MSRA: variants seen among roughly 807,000 people sequenced by gnomAD.
MSRA encodes methionine sulfoxide reductase A.
Under a neutral mutation model 31.3 loss-of-function variants are expected in MSRA, and 54 were observed. That is an observed-to-expected ratio of 1.73 (90% CI 1.39 to 2.17). MSRA has a LOEUF of 2.17. MSRA is among the 30% of genes most tolerant of loss of function. The pLI is 0.00. For synonymous variants in MSRA, 169 were observed against 116.5 expected, an observed-to-expected ratio of 1.45 and a Z score of -2.90; for missense variants, 507 against 300.9, an observed-to-expected ratio of 1.69 and a Z score of -5.07.
At chr8:10,121,215 G>T (rs994340976) in intron 1 of MSRA, among the ~76,000 whole-genome samples, 7 of 152,134 alleles carry the variant, frequency 4.6e-5, no homozygotes, top group African/African-American at 1.7e-4. Context: ...TGTGAGGGAG[G>T]AATGAGCAGT....
chr8:10,223,483 A>G (rs1181661371), intron 2 of MSRA, among the ~76,000 whole-genome samples: 2 of 152,220 alleles, frequency 1.3e-5, no homozygotes, highest in African/African-American at 2.4e-5. Flanking sequence ...ATAGAATGTC[A>G]GATATTGGTT....
intron 3 of MSRA, among the ~76,000 whole-genome samples, chr8:10,279,199 T>C (rs1585347751): frequency 6.6e-6 from 1 of 152,146 alleles, no homozygotes; most frequent in African/African-American, 2.4e-5. Flanking sequence ...CTTACCTTGT[T>C]GGGTGGGGTG....
At chr8:10,114,980 G>C (rs551550807) in intron 1 of MSRA, among the ~76,000 whole-genome samples, 1 of 152,300 alleles carries the variant, frequency 6.6e-6, no homozygotes, top group East Asian at 1.9e-4. Context: ...TTATTTACCA[G>C]ATATTAAAAC....
intron 1 of MSRA, among the ~76,000 whole-genome samples, chr8:10,134,381 G>T (rs898478599): frequency 3.9e-5 from 6 of 152,208 alleles, no homozygotes; most frequent in Non-Finnish European, 7.3e-5. Context: ...TCATGTAGAG[G>T]CAGCAGACAG....
At chr8:10,335,276 A>G (rs1395136311) in intron 5 of MSRA, among the ~76,000 whole-genome samples, 1 of 44,816 alleles carries the variant, frequency 2.2e-5, no homozygotes, top group Non-Finnish European at 4.7e-5. Flanking sequence ...TTTTTTTTGT[A>G]GTGTTTGAAT....
At chr8:10,340,465 C>T (rs903754982) in intron 5 of MSRA, among the ~76,000 whole-genome samples, 1 of 152,202 alleles carries the variant, frequency 6.6e-6, no homozygotes, top group African/African-American at 2.4e-5. Flanking sequence ...CTTCGCCTCC[C>T]GGCTTCAAGT....
chr8:10,285,304 T>C (rs924648082), intron 3 of MSRA, among the ~76,000 whole-genome samples: 1 of 152,238 alleles, frequency 6.6e-6, no homozygotes, highest in African/African-American at 2.4e-5. Context: ...CAACTTTCTT[T>C]TATTAAGCTT....
chr8:10,286,152 G>A (rs994558971), intron 3 of MSRA, among the ~76,000 whole-genome samples: 2 of 151,998 alleles, frequency 1.3e-5, no homozygotes, highest in Non-Finnish European at 1.5e-5. Context: ...CCTGTGTTAT[G>A]GTGCTCGTCA....
At chr8:10,127,585 C>G (rs143415611) in intron 1 of MSRA, among the ~76,000 whole-genome samples, 23 of 152,286 alleles carry the variant, frequency 1.5e-4, no homozygotes, top group African/African-American at 5.5e-4. Flanking sequence ...GAGGATGATA[C>G]ATTAATGTTT....
intron 1 of MSRA, among the ~76,000 whole-genome samples, chr8:10,147,866 C>T (rs930741888): frequency 6.6e-6 from 1 of 152,202 alleles, no homozygotes; most frequent in Non-Finnish European, 1.5e-5. Flanking sequence ...CGACTCTGAG[C>T]AGTGCAGAGA....
intron 3 of MSRA, among the ~76,000 whole-genome samples, chr8:10,300,124 T>G (rs1037620963): frequency 6.7e-6 from 1 of 149,556 alleles, no homozygotes; most frequent in African/African-American, 2.5e-5. Context: ...TGGAAGAAAT[T>G]TGTGTGTGTG....
chr8:10,196,108 T>C (rs916929922), intron 1 of MSRA, among the ~76,000 whole-genome samples: 11 of 152,194 alleles, frequency 7.2e-5, no homozygotes, highest in African/African-American at 2.4e-4. Context: ...CTCTGACAGC[T>C]GACAGTGCCC....
chr8:10,220,475 T>C (rs1380457422), intron 2 of MSRA, among the ~76,000 whole-genome samples: 2 of 152,258 alleles, frequency 1.3e-5, no homozygotes, highest in Non-Finnish European at 2.9e-5. Context: ...TAGTCAGATG[T>C]GGCCTTCCAG....
At chr8:10,235,666 G>A (rs1219230827) in intron 2 of MSRA, among the ~76,000 whole-genome samples, 1 of 152,060 alleles carries the variant, frequency 6.6e-6, no homozygotes, top group East Asian at 1.9e-4. Flanking sequence ...ATGAAACAAA[G>A]CATCCCCTAA....
chr8:10,054,408 C>A lies in MSRA; in HGVS notation c.-109C>A. The stretch of plus-strand genomic sequence containing the variant: ...CGCCCCGCGCCCGCCCGCCCGCGCC[C>A]CTGCCGCCCCCCGGTTCCGGCCGCG... On this transcript the variant is annotated 5_prime_UTR_variant, in exon 1 of 6. Transcript: ENST00000317173. The A allele has an allele frequency of 2.0e-6, 2 of 1,014,822 alleles. No individual in the cohort carries two copies. Among genetic ancestry groups the A allele is most frequent in the South Asian group, 6.3e-5 (2 of 31,782 alleles). 62.9% of individuals were successfully genotyped at this position (1,014,822 alleles called of 1,614,324 possible). A position where few individuals can be genotyped will look rare whatever the true frequency, so the allele number is the denominator to read the frequency against.
chr8:10,295,101 G>C (rs973268874), intron 3 of MSRA, among the ~76,000 whole-genome samples: 1 of 152,112 alleles, frequency 6.6e-6, no homozygotes, highest in African/African-American at 2.4e-5. Flanking sequence ...TGCTGCTCCC[G>C]TCTCTAAACT....
At chr8:10,385,716 C>G (rs570710384) in intron 5 of MSRA, among the ~76,000 whole-genome samples, 1 of 149,824 alleles carries the variant, frequency 6.7e-6, no homozygotes, top group South Asian at 2.1e-4. Context: ...AAGGCCAGGG[C>G]GGAGGTGGAA....
chr8:10,096,849 G>T (rs1440924522), intron 1 of MSRA, among the ~76,000 whole-genome samples: 1 of 152,094 alleles, frequency 6.6e-6, no homozygotes, highest in Non-Finnish European at 1.5e-5. Flanking sequence ...TAAGTATTCT[G>T]TTTTTAAAGA....
intron 3 of MSRA, among the ~76,000 whole-genome samples, chr8:10,252,324 AG>A (rs1388358201): frequency 2.6e-5 from 4 of 152,182 alleles, no homozygotes; most frequent in Non-Finnish European, 4.4e-5. Context: ...AAGGATTCAG[AG>A]TAGGGGTGGC....
Sources: allele counts gnomAD v4.1 joint callset (sites outside exome capture counted in the v4.1 genomes callset), GRCh38; gene constraint gnomAD v4.1.1; transcripts MANE v1.5; gene names NCBI Gene and HGNC (gene_info 2026-07-23, HGNC 2026-07-21).